Variants in KIRREL3 observed in about 807,000 individuals in gnomAD.
KIRREL3 encodes the protein kin of IRRE-like protein 3.
KIRREL3 carries 36 observed loss-of-function variants against 89.7 expected under a neutral mutation model. That is an observed-to-expected ratio of 0.40 (90% CI 0.31 to 0.53). KIRREL3 has a LOEUF of 0.53. KIRREL3 is among the 20% of genes least tolerant of loss of function. The pLI is 0.49. For missense variants in KIRREL3, 864 were observed against 1,056.6 expected (o/e 0.82, Z 2.53); for synonymous variants, 445 against 441.4 (o/e 1.01, Z -0.10).
In KIRREL3 at chr11:126,912,299, C is replaced by T. The variant is rs1055917847; in HGVS notation, c.55+88156G>A. Among the ~76,000 whole-genome samples the T allele has an allele frequency of 3.3e-5, 5 of 152,166 alleles. No individual in the cohort carries two copies. The highest frequency in any genetic ancestry group is 9.7e-5 in the African/African-American group (4 of 41,426). On this transcript the variant is annotated intron_variant, in intron 1 of 16. Coordinates refer to ENST00000525144, the MANE Select transcript of KIRREL3 (RefSeq NM_032531.4). The surrounding 1 kb of genome is among the most constrained non-coding windows in gnomAD (Gnocchi z 4.7). ...GGCCGAGAGTGGCTCTGAGGACCTG[C>T]AGGTGCTGCCCACATGTGCCCTGGG...
chr11:126,438,543 T>C (rs1217442319), intron 11 of KIRREL3, among the ~76,000 whole-genome samples: 2 of 152,348 alleles, frequency 1.3e-5, no homozygotes, highest in African/African-American at 4.8e-5. Context: ...CTCCAGGCAC[T>C]GCCAAATGTC....
rs1949904397 is a variant in KIRREL3 at position 126,768,199 on chromosome 11, AT to A, written c.56-205288del. Among the ~76,000 whole-genome samples the A allele has an allele frequency of 6.7e-6, 1 of 149,460 alleles. No homozygotes were observed. The highest frequency in any genetic ancestry group is 1.5e-5 in the Non-Finnish European group (1 of 67,544). On this transcript the variant is annotated intron_variant, in intron 1 of 16. Coordinates refer to ENST00000525144, the MANE Select transcript of KIRREL3 (RefSeq NM_032531.4). The surrounding 1 kb of genome is among the most constrained non-coding windows in gnomAD (Gnocchi z 4.5). The stretch of plus-strand genomic sequence containing the variant: ...CATCCATCCATCCATCCATCCATCC[AT>A]CCATCCATCCATCCATCCATCCATT...
rs1003522757 is a variant in KIRREL3 at position 126,620,798 on chromosome 11, C to T, written c.56-57886G>A. The stretch of plus-strand genomic sequence containing the variant: ...TAGCTTCTAATAAATCATCCAAACC[C>T]AGAGAAGATAACTTCTGCTTTCTTC... On this transcript the variant is annotated intron_variant, in intron 1 of 16. Transcript: ENST00000525144. This position sits in a 1 kb window ranked among gnomAD's most constrained non-coding sequence, Gnocchi z 4.8. Among the ~76,000 whole-genome samples the T allele has an allele frequency of 2.6e-5, 4 of 152,174 alleles. No individual in the cohort carries two copies. The highest frequency in any genetic ancestry group is 9.7e-5 in the African/African-American group (4 of 41,436).
chr11:126,758,104 G>A (rs1383271599), intron 1 of KIRREL3, among the ~76,000 whole-genome samples: 2 of 152,216 alleles, frequency 1.3e-5, no homozygotes, highest in African/African-American at 2.4e-5. Context: ...CTGCTGTGAC[G>A]TTACTTAGTT....
At position 126,729,412 on chromosome 11, in the gene KIRREL3, G is replaced by A. The variant is rs1592035376; in HGVS notation, c.56-166500C>T. Among the ~76,000 whole-genome samples the A allele has an allele frequency of 6.6e-6, 1 of 152,218 alleles. No homozygotes were observed. Among genetic ancestry groups the A allele is most frequent in the East Asian group, 1.9e-4 (1 of 5,200 alleles). On this transcript the variant is annotated intron_variant, in intron 1 of 16. Transcript: ENST00000525144. The surrounding 1 kb of genome is among the most constrained non-coding windows in gnomAD (Gnocchi z 4.5). ...ACAAGGCTCATTTTAGGGACATATT[G>A]CAGGAGAGACAGGAAATTGAAATTG... is the stretch of plus-strand genomic sequence containing the variant.
chr11:126,664,828 C>T lies in KIRREL3; in HGVS notation c.56-101916G>A, dbSNP rs1018699705. 1.1e-4 allele frequency among the ~76,000 whole-genome samples: 17 copies of T among 152,188 alleles called. No homozygotes were observed. The highest frequency in any genetic ancestry group is 7.2e-4 in the Admixed American group (11 of 15,280). ...GCACTACTTCCTCATCTATGAACCT[C>T]TTGTGCCCTTAGACAGGGGGGCATT... is the stretch of plus-strand genomic sequence containing the variant. On this transcript the variant is annotated intron_variant, in intron 1 of 16. Transcript: ENST00000525144. The surrounding 1 kb of genome is among the most constrained non-coding windows in gnomAD (Gnocchi z 5.4).
At chr11:126,595,139 C>T (rs749531503) in intron 1 of KIRREL3, among the ~76,000 whole-genome samples, 2 of 152,232 alleles carry the variant, frequency 1.3e-5, no homozygotes, top group African/African-American at 4.8e-5. Flanking sequence ...GCCACTTCAC[C>T]GGCCTTCTTT....
intron 8 of KIRREL3, among the ~76,000 whole-genome samples, chr11:126,447,480 C>T (rs1446553381): frequency 6.6e-6 from 1 of 152,238 alleles, no homozygotes; most frequent in Non-Finnish European, 1.5e-5. Flanking sequence ...CCCAGGGTTT[C>T]CCACCCGGTG....
At chr11:126,815,413 G>GT (rs1951530348) in intron 1 of KIRREL3, among the ~76,000 whole-genome samples, 1 of 152,196 alleles carries the variant, frequency 6.6e-6, no homozygotes, top group Non-Finnish European at 1.5e-5. Context: ...TTATTTCTCT[G>GT]TAACACGGGG....
At chr11:126,692,051 A>G (rs947563731) in intron 1 of KIRREL3, among the ~76,000 whole-genome samples, 1 of 152,164 alleles carries the variant, frequency 6.6e-6, no homozygotes, top group Non-Finnish European at 1.5e-5. Context: ...AGAAATTGGG[A>G]CCCTTGTGCA....
At chr11:126,473,054 T>TGCCAACCAGCCCCCCA (rs1591597878) in intron 5 of KIRREL3, among the ~76,000 whole-genome samples, 11 of 8,926 alleles carry the variant, frequency 1.2e-3, no homozygotes, top group Non-Finnish European at 1.8e-3. Flanking sequence ...CCCCAGCCCC[T>TGCCAACCAGCCCCCCA]CTCCCCAGCC....
rs551182196 is a variant in KIRREL3 at position 126,436,906 on chromosome 11, C to T, written c.1457G>A (p.Ser486Asn). The change falls in exon 12 of 17, where the codon AGC (serine) becomes AAC (asparagine). Residue 486 changes from serine (S) to asparagine (N), a missense_variant. Physicochemically the swap from Ser to Asn is conservative, Grantham distance 46. Transcript: ENST00000525144. Reference sequence around the variant, plus strand: ...CTGGAAGTCGGCCCGCACGATGTTGCTGATGGTCAGGGTGGAGATGACGCC... The same window carrying T: ...CTGGAAGTCGGCCCGCACGATGTTGTTGATGGTCAGGGTGGAGATGACGCC... ...EEGVISTLTI[S>N]NIVRADFQTI... 6.2e-7 allele frequency: 1 copy of T among 1,613,556 alleles called. No homozygotes were observed. Among genetic ancestry groups the T allele is most frequent in the African/African-American group, 1.3e-5 (1 of 75,030 alleles).
chr11:126,547,894 G>A (rs913774456), intron 2 of KIRREL3, among the ~76,000 whole-genome samples: 25 of 152,156 alleles, frequency 1.6e-4, no homozygotes, highest in African/African-American at 4.8e-4. Context: ...AGGCTTTGGC[G>A]TTCAGCTGGC....
chr11:126,589,431 G>A (rs56057513), intron 1 of KIRREL3, among the ~76,000 whole-genome samples: 18,119 of 152,234 alleles, frequency 0.12, 1,141 homozygotes, highest in East Asian at 0.21. Context: ...CCCTCCGCCC[G>A]CCCACCAGCA....
At chr11:126,741,484 G>T (rs1361698830) in intron 1 of KIRREL3, among the ~76,000 whole-genome samples, 1 of 152,118 alleles carries the variant, frequency 6.6e-6, no homozygotes. Context: ...TGTGTTGAGG[G>T]TGACAAGGAA....
chr11:126,954,044 G>A lies in KIRREL3; in HGVS notation c.55+46411C>T, dbSNP rs1015126309. ...TGCACAGGGGTGTGTGTGCACATGC[G>A]TGTGCATGTGTACATGCGGGGTCTA... On this transcript the variant is annotated intron_variant, in intron 1 of 16. Coordinates refer to ENST00000525144, the MANE Select transcript of KIRREL3 (RefSeq NM_032531.4). This position sits in a 1 kb window ranked among gnomAD's most constrained non-coding sequence, Gnocchi z 4.1. Among the ~76,000 whole-genome samples the A allele has an allele frequency of 4.6e-5, 7 of 152,206 alleles. No homozygotes were observed. The highest frequency in any genetic ancestry group is 6.5e-5 in the Admixed American group (1 of 15,288).
At chr11:126,901,865 A>G (rs1946384907) in intron 1 of KIRREL3, among the ~76,000 whole-genome samples, 1 of 152,232 alleles carries the variant, frequency 6.6e-6, no homozygotes, top group Admixed American at 6.5e-5. Context: ...ACAAAGAAAC[A>G]ACCAGTGAGT....
At position 126,636,817 on chromosome 11, in the gene KIRREL3, C is replaced by T. The variant is rs4937166; in HGVS notation, c.56-73905G>A. ...ATGATCTGGACTTGAATTTGTATCC[C>T]GGTTTAACCACTTACTCTATAGCCT... is the stretch of plus-strand genomic sequence containing the variant. On this transcript the variant is annotated intron_variant, in intron 1 of 16. Coordinates refer to ENST00000525144, the MANE Select transcript of KIRREL3 (RefSeq NM_032531.4). The surrounding 1 kb of genome is among the most constrained non-coding windows in gnomAD (Gnocchi z 4.4). 0.2 allele frequency among the ~76,000 whole-genome samples: 30,604 copies of T among 152,084 alleles called. 3,252 individuals are homozygous for T. Among genetic ancestry groups the T allele is most frequent in the East Asian group, 0.4 (2,067 of 5,174 alleles).
chr11:126,618,388 T>TA (rs1943441210), intron 1 of KIRREL3, among the ~76,000 whole-genome samples: 1 of 152,208 alleles, frequency 6.6e-6, no homozygotes, highest in African/African-American at 2.4e-5. Context: ...AGGAGCCAAT[T>TA]AAACTTCTTT....
Sources: allele counts gnomAD v4.1 joint callset (sites outside exome capture counted in the v4.1 genomes callset), GRCh38; gene constraint gnomAD v4.1.1; non-coding constraint Gnocchi (gnomAD v3.1); transcripts MANE v1.5; gene names NCBI Gene and HGNC (gene_info 2026-07-23, HGNC 2026-07-21).